The following ASB17 variants were observed in gnomAD, a reference collection of about 807,000 sequenced individuals.
ASB17 encodes ankyrin repeat and SOCS box protein 17.
In ASB17, 26 loss-of-function variants were observed where a neutral mutation model predicts 25.7. The ratio of observed to expected loss-of-function variants is 1.01; its 90% confidence interval spans 0.74 to 1.40. The LOEUF is 1.40. Among genes scored for constraint, ASB17 ranks in the 40% most tolerant of loss-of-function variants. The probability of loss-of-function intolerance (pLI) is 0.00; values close to 1 mark genes in which losing one functional copy is unlikely to be tolerated. For synonymous variants in ASB17, 128 were observed against 121.4 expected (o/e 1.05, Z -0.36); for missense variants, 326 against 338.5 (o/e 0.96, Z 0.29).
intron 1 of ASB17, among the ~76,000 whole-genome samples, chr1:75,929,650 A>G (rs1418207775): frequency 6.6e-6 from 1 of 152,210 alleles, no homozygotes; most frequent in Non-Finnish European, 1.5e-5. Context: ...AAGGTCACTC[A>G]GGCTTCTGAG....
chr1:75,929,247 C>T (rs1013880919), intron 1 of ASB17, among the ~76,000 whole-genome samples: 7 of 150,752 alleles, frequency 4.6e-5, no homozygotes, highest in East Asian at 1.9e-4. Flanking sequence ...TTTTTTGAGA[C>T]GGATTCTCGC....
chr1:75,925,846 A>T (rs1653157216), intron 1 of ASB17, among the ~76,000 whole-genome samples: 1 of 152,050 alleles, frequency 6.6e-6, no homozygotes, highest in Admixed American at 6.6e-5. Flanking sequence ...CTCCAGAATA[A>T]TTTTACATGT....
At chr1:75,931,125 A>G (rs1653310632) in intron 1 of ASB17, among the ~76,000 whole-genome samples, 1 of 152,230 alleles carries the variant, frequency 6.6e-6, no homozygotes, top group Non-Finnish European at 1.5e-5. Context: ...ATGCATTTAT[A>G]TTGCACCTAG....
At chr1:75,931,828 A>C (rs1326667092) in intron 1 of ASB17, 63 bp downstream of exon 1, 1 of 1,433,542 alleles carries the variant, frequency 7.0e-7, no homozygotes, top group Non-Finnish European at 9.3e-7. Flanking sequence ...AGAAAAAAGA[A>C]GCACTCTACT....
chr1:75,927,103 G>T (rs187579971), intron 1 of ASB17, among the ~76,000 whole-genome samples: 2 of 152,148 alleles, frequency 1.3e-5, no homozygotes, highest in Non-Finnish European at 1.5e-5. Flanking sequence ...AGATGAAGAG[G>T]CTATCAGCCA....
At chr1:75,924,724 C>T (rs1653122344) in intron 1 of ASB17, among the ~76,000 whole-genome samples, 3 of 151,992 alleles carry the variant, frequency 2.0e-5, no homozygotes, top group Admixed American at 1.3e-4. Context: ...TCTACATTAC[C>T]TATCATTGGT....
At position 75,922,338 on chromosome 1, in the gene ASB17, A is replaced by G. The variant is rs746803253; in HGVS notation, c.423T>C (p.Cys141=). 9 of 1,611,854 alleles carry G rather than the reference A, an allele frequency of 5.6e-6. No homozygotes were observed. The highest frequency in any genetic ancestry group is 3.3e-5 in the South Asian group (3 of 90,888). ...GTGTGATGCCACTTAATGGGCTTGGACAGTATACTGGTGTGAAAGTTCTGT... is the reference window on the plus strand; with the variant it reads ...GTGTGATGCCACTTAATGGGCTTGGGCAGTATACTGGTGTGAAAGTTCTGT... ...LIWRTFTPVY[C]PSPLSGITPL... is the part of the protein sequence containing the mutation. Residue 141 remains cysteine, a synonymous_variant, in exon 2 of 3, where the codon TGT becomes TGC. Transcript: ENST00000284142.
At chr1:75,919,822 T>C (rs1159526324) in intron 2 of ASB17, among the ~76,000 whole-genome samples, 1 of 152,188 alleles carries the variant, frequency 6.6e-6, no homozygotes, top group East Asian at 1.9e-4. Flanking sequence ...GTCTTTGCTA[T>C]TGTGAATAGT....
At chr1:75,929,076 A>G (rs1653249158) in intron 1 of ASB17, among the ~76,000 whole-genome samples, 1 of 152,320 alleles carries the variant, frequency 6.6e-6, no homozygotes, top group African/African-American at 2.4e-5. Context: ...GCCTTATGGC[A>G]GGAATGAACT....
intron 1 of ASB17, among the ~76,000 whole-genome samples, chr1:75,923,613 G>C (rs1039704313): frequency 1.3e-5 from 2 of 152,042 alleles, no homozygotes; most frequent in African/African-American, 4.8e-5. Flanking sequence ...AAATACTGCA[G>C]GACAGCACAC....
chr1:75,931,796 A>G (rs1653327011), intron 1 of ASB17, 95 bp downstream of exon 1: 1 of 1,140,764 alleles, frequency 8.8e-7, no homozygotes, highest in Non-Finnish European at 1.2e-6. Flanking sequence ...CTTCACATAT[A>G]GCCACTATAC....
chr1:75,930,430 A>G (rs1468212374), intron 1 of ASB17, among the ~76,000 whole-genome samples: 1 of 150,918 alleles, frequency 6.6e-6, no homozygotes, highest in Non-Finnish European at 1.5e-5. Flanking sequence ...ACCTAAGGAA[A>G]TAGTTAACTC....
chr1:75,919,869 C>G (rs1652982637), intron 2 of ASB17, among the ~76,000 whole-genome samples: 2 of 152,132 alleles, frequency 1.3e-5, no homozygotes, highest in Non-Finnish European at 2.9e-5. Context: ...GTCTTTATAG[C>G]AGCATGATTT....
intron 1 of ASB17, among the ~76,000 whole-genome samples, chr1:75,922,631 G>A (rs537294226): frequency 4.6e-5 from 7 of 151,360 alleles, no homozygotes; most frequent in Non-Finnish European, 1.0e-4. Flanking sequence ...CGAGTAGCTG[G>A]GATTACAGGC....
intron 2 of ASB17, among the ~76,000 whole-genome samples, chr1:75,920,354 A>T (rs1031398529): frequency 5.3e-5 from 8 of 152,238 alleles, no homozygotes; most frequent in African/African-American, 1.9e-4. Flanking sequence ...CACAGGCTAC[A>T]TGATACTATT....
intron 1 of ASB17, among the ~76,000 whole-genome samples, chr1:75,922,766 G>T (rs1267093208): frequency 1.3e-5 from 2 of 152,048 alleles, no homozygotes; most frequent in Non-Finnish European, 2.9e-5. Context: ...AGAGTGCTGG[G>T]ATTACAGGCG....
chr1:75,922,243 T>C lies in ASB17; in HGVS notation c.518A>G (p.Glu173Gly), dbSNP rs758956251. The change falls in exon 2 of 3, where the codon GAA (glutamate) becomes GGA (glycine). Residue 173 changes from glutamate to glycine, a missense_variant. Transcript: ENST00000284142. ...FKILLQYGIL[E>G]REKNPINIVL... ...AATGTTGATAGGGTTTTTTTCTCTT[T>C]CTAAGATTCCATATTGCAGTAGTAT... 3 of 1,613,564 alleles carry C rather than the reference T, an allele frequency of 1.9e-6. No homozygotes were observed. In the African/African-American group the frequency reaches 4.0e-5, roughly 22 times the overall value.
chr1:75,924,274 T>G (rs953280345), intron 1 of ASB17, among the ~76,000 whole-genome samples: 1 of 152,078 alleles, frequency 6.6e-6, no homozygotes, highest in Non-Finnish European at 1.5e-5. Context: ...CTGACAAAAC[T>G]AAGAAAAAAG....
chr1:75,919,257 C>G (rs931712955), intron 2 of ASB17, 99 bp from the exon 3 acceptor site: 12 of 855,104 alleles, frequency 1.4e-5, no homozygotes, highest in Non-Finnish European at 1.9e-5. Context: ...GAAAATAGAC[C>G]ATAAATTTAT....
Sources: allele counts gnomAD v4.1 joint callset (sites outside exome capture counted in the v4.1 genomes callset), GRCh38; gene constraint gnomAD v4.1.1; transcripts MANE v1.5; gene names NCBI Gene and HGNC (gene_info 2026-07-23, HGNC 2026-07-21).